The following ZNF248 variants were observed in gnomAD, a reference collection of about 807,000 sequenced individuals.
ZNF248 encodes KRAB protein domain.
ZNF248 carries 20 observed loss-of-function variants against 44.3 expected under a neutral mutation model. The ratio of observed to expected loss-of-function variants is 0.45; its 90% CI spans 0.32 to 0.66. The LOEUF is 0.66. ZNF248 is among the 30% of genes least tolerant of loss of function. The probability of loss-of-function intolerance (pLI) is 0.04; values close to 1 mark genes in which losing one functional copy is unlikely to be tolerated. For missense variants in ZNF248, 654 were observed against 677.0 expected (o/e 0.97, Z 0.38); for synonymous variants, 224 against 229.0 (o/e 0.98, Z 0.20).
chr10:37,769,238 T>C, the ZNF248 span, among the ~76,000 whole-genome samples: 6 of 152,008 alleles, frequency 3.9e-5, no homozygotes, highest in East Asian at 1.9e-4. Flanking sequence ...TTCCAATCAA[T>C]AGAAAAAGAG....
Position 37,832,943 on chromosome 10 carries a change from T to C in ZNF248, c.412A>G (p.Lys138Glu). 6.2e-7 allele frequency: 1 copy of C among 1,613,494 alleles called. No homozygotes were observed. Among genetic ancestry groups the C allele is most frequent in the South Asian group, 1.1e-5 (1 of 91,010 alleles). ...TTCATTTCACATGAGTCACATATTT[T>C]ATAGGGATAATTTCTTAAAGAAACA... ...DPVSLRNYPY[K>E]ICDSCEMNLK... is the part of the protein sequence containing the mutation. The change falls in exon 6 of 6, where the codon AAA (lysine) becomes GAA (glutamate). Residue 138 changes from lysine (K) to glutamate (E), a missense_variant. Lys to Glu is a moderately conservative substitution (Grantham distance 56). Coordinates refer to ENST00000395867, the MANE Select transcript of ZNF248 (RefSeq NM_021045.3).
At chr10:37,792,968 T>C (rs1354513236) in intron 6 of ZNF248, among the ~76,000 whole-genome samples, 3 of 152,174 alleles carry the variant, frequency 2.0e-5, no homozygotes, top group Non-Finnish European at 4.4e-5. Context: ...CAAGGTTGTA[T>C]ATAATGATAA....
Position 37,850,528 on chromosome 10 carries a change from G to A in ZNF248, c.15+5768C>T, listed in dbSNP as rs533499817. Among the ~76,000 whole-genome samples, 7 of 152,286 alleles carry A rather than the reference G, an allele frequency of 4.6e-5. No individual in the cohort carries two copies. The South Asian group carries it at 1.5e-3, about 32-fold the overall frequency. The stretch of plus-strand genomic sequence containing the variant: ...AGAATAAAGTAAAAGGAATCACTGT[G>A]TTCAATATTAAACCTTACTATATGG... On this transcript the variant is annotated intron_variant, in intron 3 of 5. Coordinates refer to ENST00000395867, the MANE Select transcript of ZNF248 (RefSeq NM_021045.3).
the ZNF248 span, among the ~76,000 whole-genome samples, chr10:37,769,903 C>G: frequency 1.3e-5 from 2 of 152,200 alleles, no homozygotes; most frequent in South Asian, 4.1e-4. Flanking sequence ...TCTCCTTAAG[C>G]TGATAAGCAA....
the ZNF248 span, among the ~76,000 whole-genome samples, chr10:37,770,767 C>A: frequency 1.3e-4 from 20 of 152,200 alleles, no homozygotes; most frequent in East Asian, 3.5e-3. Flanking sequence ...ACAAAATTGA[C>A]AAATGGGATC....
chr10:37,779,486 A>T (rs2047020247), intron 6 of ZNF248, among the ~76,000 whole-genome samples: 1 of 152,150 alleles, frequency 6.6e-6, no homozygotes, highest in African/African-American at 2.4e-5. Flanking sequence ...AAAAACACTC[A>T]ATAAATTAGG....
intron 3 of ZNF248, among the ~76,000 whole-genome samples, chr10:37,849,452 G>A (rs1453040363): frequency 6.6e-6 from 1 of 152,172 alleles, no homozygotes; most frequent in Non-Finnish European, 1.5e-5. Flanking sequence ...GGAGGCCAAG[G>A]CGGGCGGATC....
chr10:37,770,636 G>A, the ZNF248 span, among the ~76,000 whole-genome samples: 1 of 152,294 alleles, frequency 6.6e-6, no homozygotes, highest in South Asian at 2.1e-4. Context: ...ATGGATTAAA[G>A]ACTTACATGT....
At chr10:37,787,147 T>C (rs2047976193) in intron 6 of ZNF248, among the ~76,000 whole-genome samples, 1 of 151,944 alleles carries the variant, frequency 6.6e-6, no homozygotes. Context: ...GGCATGGTGG[T>C]ACACGCCTGT....
chr10:37,787,012 G>A (rs1200864462), intron 6 of ZNF248, among the ~76,000 whole-genome samples: 4 of 152,072 alleles, frequency 2.6e-5, no homozygotes, highest in African/African-American at 9.7e-5. Flanking sequence ...AGGCACTTTG[G>A]CTCATGCCTT....
At chr10:37,854,482 CCTCA>C (rs1397039282) in intron 3 of ZNF248, among the ~76,000 whole-genome samples, 3 of 152,180 alleles carry the variant, frequency 2.0e-5, no homozygotes, top group Non-Finnish European at 4.4e-5. Context: ...ACGTATTCAA[CCTCA>C]CTCAGTGAAG....
At chr10:37,768,911 C>T in the ZNF248 span, among the ~76,000 whole-genome samples, 5 of 151,934 alleles carry the variant, frequency 3.3e-5, no homozygotes, top group East Asian at 1.9e-4. Flanking sequence ...AAGAATCAAA[C>T]AGACGCAATA....
downstream of ZNF248, among the ~76,000 whole-genome samples, chr10:37,772,436 G>T (rs2132732626): frequency 6.6e-6 from 1 of 152,290 alleles, no homozygotes; most frequent in African/African-American, 2.4e-5. Flanking sequence ...TGGGCAGTGT[G>T]CTGATGGACT....
Position 37,831,850 on chromosome 10 carries a change from CAGA to C in ZNF248, c.1502_1504del (p.Phe501del). The C allele has an allele frequency of 6.2e-7, 1 of 1,614,060 alleles. No homozygotes were observed. The highest frequency in any genetic ancestry group is 8.5e-7 in the Non-Finnish European group (1 of 1,179,956). On this transcript the variant is annotated inframe_deletion, in exon 6 of 6. Coordinates refer to ENST00000395867, the MANE Select transcript of ZNF248 (RefSeq NM_021045.3). ...ATGTACAATGAGGTTTGACTTCACA[CAGA>C]AGGATTTTCCACATTCATTACATAT...
At chr10:37,764,458 T>C in the ZNF248 span, among the ~76,000 whole-genome samples, 20 of 152,198 alleles carry the variant, frequency 1.3e-4, no homozygotes, top group Non-Finnish European at 2.6e-4. Context: ...ATTTGCCTTG[T>C]AATATTTTAT....
chr10:37,832,688 A>G lies in ZNF248; in HGVS notation c.667T>C (p.Phe223Leu), dbSNP rs745654584. Residue 223 changes from phenylalanine to leucine, a missense_variant, in exon 6 of 6, where the codon TTC (phenylalanine) becomes CTC (leucine). Transcript: ENST00000395867. The part of the protein sequence containing the change: ...SFEYSKNGQG[F>L]HDEAAFFTNK... The stretch of plus-strand genomic sequence containing the variant: ...GTAAAAAATGCTGCCTCATCATGGA[A>G]GCCTTGTCCATTTTTACTATACTCA... 3 of 1,613,524 alleles carry G rather than the reference A, an allele frequency of 1.9e-6. No individual in the cohort carries two copies. The highest frequency in any genetic ancestry group is 2.5e-6 in the Non-Finnish European group (3 of 1,179,882).
the ZNF248 span, among the ~76,000 whole-genome samples, chr10:37,759,813 T>A: frequency 1.3e-5 from 2 of 152,186 alleles, no homozygotes; most frequent in Non-Finnish European, 2.9e-5. Context: ...AATTGTGGCA[T>A]CCTGAAGACA....
chr10:37,824,670 TAAA>T (rs2054058663), downstream of ZNF248, among the ~76,000 whole-genome samples: 1 of 126,878 alleles, frequency 7.9e-6, no homozygotes, highest in African/African-American at 3.1e-5. Context: ...AAAATTATTT[TAAA>T]TTTTTTTTTT....
chr10:37,826,104 G>A (rs1369815068), downstream of ZNF248, among the ~76,000 whole-genome samples: 3 of 152,122 alleles, frequency 2.0e-5, no homozygotes, highest in African/African-American at 7.2e-5. Context: ...GGTAAGGGTA[G>A]AAAAACTAAC....
Sources: allele counts gnomAD v4.1 joint callset (sites outside exome capture counted in the v4.1 genomes callset), GRCh38; gene constraint gnomAD v4.1.1; transcripts MANE v1.5; gene names NCBI Gene and HGNC (gene_info 2026-07-23, HGNC 2026-07-21).